DGCR2: variants seen among roughly 807,000 people sequenced by gnomAD.
The protein encoded by DGCR2 is DiGeorge syndrome critical region gene 2, also known as integral membrane protein DGCR2/IDD.
In DGCR2, 24 loss-of-function variants were observed where a neutral mutation model predicts 51.6. The observed-to-expected ratio is 0.47, with a 90% CI of 0.34 to 0.65. DGCR2 has a LOEUF of 0.65. Ranked by LOEUF, DGCR2 falls within the 30% of genes least tolerant of loss-of-function variation. The pLI, the probability that DGCR2 is intolerant of heterozygous loss-of-function variation, is 0.01. For synonymous variants in DGCR2, 340 were observed against 315.4 expected (o/e 1.08, Z -0.82); for missense variants, 765 against 772.1 (o/e 0.99, Z 0.11).
intron 2 of DGCR2, among the ~76,000 whole-genome samples, chr22:19,084,785 A>G (rs1319508312): frequency 7.7e-6 from 1 of 129,634 alleles, no homozygotes; most frequent in Non-Finnish European, 1.6e-5. Flanking sequence ...CCGCCCGGCC[A>G]GCCGCCCCGT....
intron 5 of DGCR2, among the ~76,000 whole-genome samples, chr22:19,058,887 T>C (rs767693580): frequency 1.4e-4 from 21 of 152,236 alleles, no homozygotes; most frequent in South Asian, 2.1e-4. Flanking sequence ...TGCTCCCTCC[T>C]GGCAGCAAGC....
At position 19,042,140 on chromosome 22, in the gene DGCR2, C is replaced by T. The variant is rs201333934; in HGVS notation, c.1007-181G>A. 1.4e-4 allele frequency among the ~76,000 whole-genome samples: 21 copies of T among 152,358 alleles called. No individual in the cohort carries two copies. The East Asian group carries it at 4.0e-3, about 29-fold the overall frequency. On this transcript the variant is annotated intron_variant, in intron 7 of 9. Coordinates refer to ENST00000263196, the MANE Select transcript of DGCR2 (RefSeq NM_005137.3). ...CCGCTCAAAATCAAGAACATGGTGA[C>T]AGCACAGAAGCAGAAGAGCGAATCC...
chr22:19,065,604 A>G lies in DGCR2; in HGVS notation c.329-537T>C, dbSNP rs766533005. 4.5e-4 allele frequency among the ~76,000 whole-genome samples: 69 copies of G among 152,192 alleles called. 1 individual carries two copies. Among genetic ancestry groups the G allele is most frequent in the Non-Finnish European group, 4.3e-4 (29 of 68,028 alleles). Reference sequence around the variant, plus strand: ...CCCCTGCCTCCCACAGCCGAAAAAAATAAGGTGTGGGCGATGCCACAGGTG... The same window carrying G: ...CCCCTGCCTCCCACAGCCGAAAAAAGTAAGGTGTGGGCGATGCCACAGGTG... On this transcript the variant is annotated intron_variant, in intron 3 of 9. Transcript: ENST00000263196.
intron 2 of DGCR2, among the ~76,000 whole-genome samples, chr22:19,074,949 T>C (rs865950314): frequency 6.6e-6 from 1 of 152,210 alleles, no homozygotes; most frequent in African/African-American, 2.4e-5. Flanking sequence ...AGGTAATTTA[T>C]ACAGGCCTTT....
chr22:19,066,714 G>C (rs1262639761), intron 3 of DGCR2, among the ~76,000 whole-genome samples: 1 of 152,178 alleles, frequency 6.6e-6, no homozygotes, highest in African/African-American at 2.4e-5. Context: ...AGCTGGCTGG[G>C]GCATGGAGGG....
At chr22:19,094,999 T>C (rs946691310) in intron 1 of DGCR2, among the ~76,000 whole-genome samples, 14 of 152,102 alleles carry the variant, frequency 9.2e-5, no homozygotes, top group African/African-American at 3.4e-4. Flanking sequence ...GAGAAAATGT[T>C]TGGGGTGACG....
At chr22:19,064,657 C>T (rs2082727202) in intron 4 of DGCR2, among the ~76,000 whole-genome samples, 191 bp downstream of exon 4, 1 of 152,250 alleles carries the variant, frequency 6.6e-6, no homozygotes, top group Non-Finnish European at 1.5e-5. Context: ...CCCCTGCTCC[C>T]AGGACCCTCC....
intron 1 of DGCR2, among the ~76,000 whole-genome samples, chr22:19,091,141 T>C (rs2083073835): frequency 6.6e-6 from 1 of 152,220 alleles, no homozygotes; most frequent in South Asian, 2.1e-4. Flanking sequence ...GAAGGATCAC[T>C]TGAGCCCAGG....
chr22:19,110,488 T>C (rs1331720251), intron 1 of DGCR2, among the ~76,000 whole-genome samples: 1 of 152,048 alleles, frequency 6.6e-6, no homozygotes, highest in Non-Finnish European at 1.5e-5. Context: ...AGGAGAGCAT[T>C]AGGACAAATA....
At chr22:19,103,868 A>T (rs2083233671) in intron 1 of DGCR2, among the ~76,000 whole-genome samples, 1 of 151,592 alleles carries the variant, frequency 6.6e-6, no homozygotes, top group Admixed American at 6.6e-5. Context: ...CAACATAGCC[A>T]GACCCTGACT....
At chr22:19,085,043 AAAG>A (rs1460237251) in intron 2 of DGCR2, among the ~76,000 whole-genome samples, 2 of 152,080 alleles carry the variant, frequency 1.3e-5, no homozygotes, top group Non-Finnish European at 2.9e-5. Flanking sequence ...GTCTGTGCAG[AAAG>A]AAGTAGACAT....
intron 1 of DGCR2, among the ~76,000 whole-genome samples, chr22:19,116,287 G>A (rs1601317674): frequency 1.3e-5 from 2 of 152,274 alleles, no homozygotes; most frequent in East Asian, 1.9e-4. Flanking sequence ...GGGCATCTGG[G>A]TCCACAGGCT....
intron 5 of DGCR2, among the ~76,000 whole-genome samples, chr22:19,062,779 A>ATTCTCTCTCATTCT: frequency 7.9e-6 from 1 of 127,352 alleles, no homozygotes; most frequent in Non-Finnish European, 1.8e-5. Flanking sequence ...ATGCATGCTC[A>ATTCTCTCTCATTCT]CTCTCTCTCT....
intron 2 of DGCR2, among the ~76,000 whole-genome samples, chr22:19,070,580 A>T (rs919389981): frequency 6.6e-6 from 1 of 152,202 alleles, no homozygotes; most frequent in African/African-American, 2.4e-5. Flanking sequence ...GCCAGGTCAC[A>T]TGGGCACCAA....
At chr22:19,119,806 G>C (rs186858147) in intron 1 of DGCR2, among the ~76,000 whole-genome samples, 20 of 151,088 alleles carry the variant, frequency 1.3e-4, no homozygotes, top group African/African-American at 4.6e-4. Flanking sequence ...ATAACTCCAT[G>C]AAAGGCCTTC....
intron 2 of DGCR2, among the ~76,000 whole-genome samples, chr22:19,075,514 C>T (rs1039221242): frequency 2.6e-5 from 4 of 152,120 alleles, no homozygotes; most frequent in African/African-American, 7.2e-5. Flanking sequence ...CCATAACAAC[C>T]ATCACCACCA....
intron 5 of DGCR2, among the ~76,000 whole-genome samples, chr22:19,060,087 T>C (rs544058100): frequency 6.6e-6 from 1 of 152,208 alleles, no homozygotes; most frequent in African/African-American, 2.4e-5. Flanking sequence ...CTGTCTCCCC[T>C]CCAAGAACTG....
At chr22:19,101,055 G>A (rs1435256708) in intron 1 of DGCR2, among the ~76,000 whole-genome samples, 4 of 152,122 alleles carry the variant, frequency 2.6e-5, no homozygotes, top group African/African-American at 7.2e-5. Context: ...CCTTTGCAGT[G>A]AGCCGAGACT....
intron 1 of DGCR2, among the ~76,000 whole-genome samples, chr22:19,103,573 C>T (rs117186487): frequency 0.16 from 23,644 of 148,842 alleles, 2,115 homozygotes; most frequent in South Asian, 0.28. Context: ...TGAGATTAGG[C>T]GCGCACCATC....
Sources: gnomAD v4.1 joint callset for allele counts (sites outside exome capture counted in the v4.1 genomes callset) on GRCh38, gnomAD v4.1.1 for gene constraint, MANE v1.5 for transcripts, NCBI Gene and HGNC (gene_info 2026-07-23, HGNC 2026-07-21) for gene names.